SLC24A3: variants seen among roughly 807,000 people sequenced by gnomAD.
The protein encoded by SLC24A3 is solute carrier family 24 member 3.
A neutral mutation model predicts 75.8 loss-of-function variants in SLC24A3; 28 were observed. The ratio of observed to expected loss-of-function variants is 0.37; its 90% confidence interval spans 0.27 to 0.51. The LOEUF (loss-of-function observed/expected upper bound fraction) is 0.51, where lower values mean the gene tolerates loss of function less well. Among genes scored for constraint, SLC24A3 ranks in the 20% least tolerant of loss-of-function variants. The pLI, the probability that SLC24A3 is intolerant of heterozygous loss-of-function variation, is 0.94. For missense variants in SLC24A3, 663 were observed against 847.8 expected (o/e 0.78, Z 2.71); for synonymous variants, 372 against 334.1 (o/e 1.11, Z -1.24).
intron 3 of SLC24A3, among the ~76,000 whole-genome samples, chr20:19,542,709 C>T (rs2030522580): frequency 6.6e-6 from 1 of 152,124 alleles, no homozygotes; most frequent in Admixed American, 6.5e-5. Flanking sequence ...AGGAATGTAC[C>T]CAAGAGATTG....
chr20:19,477,027 A>G (rs1987973060), intron 2 of SLC24A3, among the ~76,000 whole-genome samples: 1 of 152,098 alleles, frequency 6.6e-6, no homozygotes, highest in Non-Finnish European at 1.5e-5. Context: ...GATAAATGCA[A>G]GACGAGGACT....
At chr20:19,542,094 G>A (rs1368038706) in intron 3 of SLC24A3, among the ~76,000 whole-genome samples, 1 of 152,208 alleles carries the variant, frequency 6.6e-6, no homozygotes, top group Non-Finnish European at 1.5e-5. Flanking sequence ...GCATTGAAAG[G>A]GGAGAGATAG....
intron 3 of SLC24A3, among the ~76,000 whole-genome samples, chr20:19,521,923 A>AT (rs11383322): frequency 0.15 from 22,244 of 150,742 alleles, 1,817 homozygotes; most frequent in Middle Eastern, 0.21. Context: ...TCCCAGGGGT[A>AT]TTTTTTTTTC....
chr20:19,216,383 G>A (rs1470197922), intron 1 of SLC24A3, among the ~76,000 whole-genome samples: 1 of 152,012 alleles, frequency 6.6e-6, no homozygotes, highest in Non-Finnish European at 1.5e-5. Context: ...TCTCAGGGAG[G>A]TCAATAGTAA....
intron 1 of SLC24A3, among the ~76,000 whole-genome samples, chr20:19,265,560 T>G (rs188547476): frequency 6.6e-6 from 1 of 152,332 alleles, no homozygotes; most frequent in Admixed American, 6.5e-5. Flanking sequence ...AGCTATGAGC[T>G]TCTCAGGTGC....
At chr20:19,233,490 C>A (rs569833486) in intron 1 of SLC24A3, among the ~76,000 whole-genome samples, 55 of 152,246 alleles carry the variant, frequency 3.6e-4, no homozygotes, top group South Asian at 6.2e-4. Context: ...TTTTCTAAGT[C>A]ATTGGAAAGT....
chr20:19,706,856 G>C (rs181059492), intron 15 of SLC24A3, among the ~76,000 whole-genome samples: 1 of 152,152 alleles, frequency 6.6e-6, no homozygotes, highest in Admixed American at 6.5e-5. Flanking sequence ...ATTGGATTAG[G>C]ATGGTTGTAT....
intron 8 of SLC24A3, among the ~76,000 whole-genome samples, chr20:19,669,870 C>T (rs979634143): frequency 1.3e-5 from 2 of 151,982 alleles, no homozygotes; most frequent in African/African-American, 2.4e-5. Context: ...ATCAGGGACC[C>T]GTTGAAAATG....
At chr20:19,491,807 G>T (rs1285134250) in intron 2 of SLC24A3, among the ~76,000 whole-genome samples, 1 of 152,206 alleles carries the variant, frequency 6.6e-6, no homozygotes, top group Non-Finnish European at 1.5e-5. Context: ...GCCCGGGAAG[G>T]CTTCATCTTA....
chr20:19,601,014 G>A (rs1031067415), intron 6 of SLC24A3, among the ~76,000 whole-genome samples: 1 of 152,042 alleles, frequency 6.6e-6, no homozygotes, highest in South Asian at 2.1e-4. Context: ...TTCAAATCTT[G>A]GCCTCCCCAC....
chr20:19,678,645 A>C (rs1174951765), intron 9 of SLC24A3, among the ~76,000 whole-genome samples: 3 of 125,232 alleles, frequency 2.4e-5, no homozygotes, highest in Non-Finnish European at 3.3e-5. Flanking sequence ...CGGGGGGCTG[A>C]CCCTCCACCT....
chr20:19,248,763 G>C (rs1276727520), intron 1 of SLC24A3, among the ~76,000 whole-genome samples: 1 of 152,060 alleles, frequency 6.6e-6, no homozygotes, highest in East Asian at 1.9e-4. Flanking sequence ...TCCATCGACA[G>C]ATGAATGGCT....
chr20:19,378,590 G>A (rs922732520), intron 2 of SLC24A3, among the ~76,000 whole-genome samples: 3 of 152,166 alleles, frequency 2.0e-5, no homozygotes, highest in African/African-American at 4.8e-5. Context: ...AAGACACCCT[G>A]TGCTGCTGTT....
At position 19,216,043 on chromosome 20, in the gene SLC24A3, A is replaced by G. The variant is rs150759975; in HGVS notation, c.142+3059A>G. On this transcript the variant is annotated intron_variant, in intron 1 of 16. Transcript: ENST00000328041. The stretch of plus-strand genomic sequence containing the variant: ...ATTCCCACCTTATAGGTATTGCTTT[A>G]TTTAATCTGCAGACACTCTTTTCGG... Among the ~76,000 whole-genome samples, 6 of 152,308 alleles carry G rather than the reference A, an allele frequency of 3.9e-5. No homozygotes were observed. The East Asian group carries it at 5.8e-4, about 15-fold the overall frequency.
At chr20:19,703,001 T>C (rs118112648) in intron 15 of SLC24A3, among the ~76,000 whole-genome samples, 479 of 152,342 alleles carry the variant, frequency 3.1e-3, no homozygotes, top group Non-Finnish European at 5.9e-3. Context: ...AAAGTTTATC[T>C]TGAGTCAAGA....
chr20:19,548,408 G>A (rs1172459804), intron 3 of SLC24A3, among the ~76,000 whole-genome samples: 2 of 152,102 alleles, frequency 1.3e-5, no homozygotes, highest in African/African-American at 4.8e-5. Flanking sequence ...TGTGACATTT[G>A]ACTCTAAATA....
rs538977682 is a variant in SLC24A3, at chr20:19,522,914, A to G, written c.348+7350A>G. ...TATTTATCACCTCACATTCTTACTT[A>G]TTTGTGATGAAAACATTTAAAATCT... is the stretch of plus-strand genomic sequence containing the variant. On this transcript the variant is annotated intron_variant, in intron 3 of 16. Coordinates refer to ENST00000328041, the MANE Select transcript of SLC24A3 (RefSeq NM_020689.4). 1.1e-4 allele frequency among the ~76,000 whole-genome samples: 16 copies of G among 152,228 alleles called. No homozygotes were observed. The South Asian group carries it at 2.5e-3, about 24-fold the overall frequency.
intron 1 of SLC24A3, among the ~76,000 whole-genome samples, chr20:19,247,893 T>C (rs932037506): frequency 6.6e-6 from 1 of 152,202 alleles, no homozygotes; most frequent in Admixed American, 6.5e-5. Flanking sequence ...TTCCTAATTG[T>C]GTGGTTTGGG....
intron 6 of SLC24A3, among the ~76,000 whole-genome samples, chr20:19,628,641 A>G (rs892848930): frequency 5.3e-5 from 8 of 152,276 alleles, no homozygotes; most frequent in Non-Finnish European, 1.2e-4. Context: ...TGGTGGGGAA[A>G]CAGCACACTT....
Sources: gnomAD v4.1 joint callset for allele counts (sites outside exome capture counted in the v4.1 genomes callset) on GRCh38, gnomAD v4.1.1 for gene constraint, MANE v1.5 for transcripts, NCBI Gene and HGNC (gene_info 2026-07-23, HGNC 2026-07-21) for gene names.